CSMD1: variants seen among roughly 807,000 people sequenced by gnomAD.
CSMD1 encodes the protein CUB and sushi domain-containing protein 1.
Under a neutral mutation model 417.5 loss-of-function variants are expected in CSMD1, and 213 were observed. That is an observed-to-expected ratio of 0.51 (90% CI 0.46 to 0.57). The LOEUF is 0.57. Ranked by LOEUF, CSMD1 falls within the 20% of genes least tolerant of loss-of-function variation. The pLI is 0.00. For synonymous variants in CSMD1, 2,862 were observed against 1,736.8 expected (o/e 1.65, Z -16.11); for missense variants, 6,923 against 4,529.7 (o/e 1.53, Z -15.17).
At chr8:3,536,454 T>C (rs531291376) in intron 10 of CSMD1, among the ~76,000 whole-genome samples, 1 of 152,186 alleles carries the variant, frequency 6.6e-6, no homozygotes, top group Non-Finnish European at 1.5e-5. Context: ...ATGGGCTGAG[T>C]GAAGTTGGGC....
chr8:4,022,094 C>A (rs1796816138), intron 4 of CSMD1, among the ~76,000 whole-genome samples: 1 of 109,054 alleles, frequency 9.2e-6, no homozygotes, highest in Admixed American at 1.0e-4. Context: ...TCCACACACA[C>A]ACATATATAT....
At chr8:3,573,739 G>C (rs1326425071) in intron 10 of CSMD1, among the ~76,000 whole-genome samples, 1 of 152,106 alleles carries the variant, frequency 6.6e-6, no homozygotes, top group Non-Finnish European at 1.5e-5. Flanking sequence ...AAAATGAAGA[G>C]ATGATCACTT....
chr8:3,478,554 G>C (rs1360531363), intron 11 of CSMD1, among the ~76,000 whole-genome samples: 1 of 152,176 alleles, frequency 6.6e-6, no homozygotes, highest in East Asian at 1.9e-4. Flanking sequence ...GAAGACCAGA[G>C]AAACAGCAGA....
chr8:2,983,627 C>CA (rs1312487052), intron 54 of CSMD1, among the ~76,000 whole-genome samples: 3 of 152,102 alleles, frequency 2.0e-5, no homozygotes, highest in East Asian at 1.9e-4. Flanking sequence ...CAAAATTTGG[C>CA]AAAAAATTGT....
chr8:3,735,095 A>C (rs1174432733), intron 6 of CSMD1, among the ~76,000 whole-genome samples: 2 of 152,230 alleles, frequency 1.3e-5, no homozygotes, highest in South Asian at 4.1e-4. Context: ...CAACGATGTG[A>C]AACAGGTACA....
chr8:3,972,699 G>C (rs74868790), intron 5 of CSMD1, among the ~76,000 whole-genome samples: 2,372 of 152,302 alleles, frequency 0.016, 59 homozygotes, highest in African/African-American at 0.054. Context: ...ATTGCAAATA[G>C]CTTCTTTTCA....
rs115064382 is a variant in CSMD1, at chr8:4,389,569, A to G, written c.415+30384T>C. Among the ~76,000 whole-genome samples, 640 of 152,338 alleles carry G rather than the reference A, an allele frequency of 4.2e-3. 7 individuals carry two copies. The highest frequency in any genetic ancestry group is 0.014 in the African/African-American group (590 of 41,586). ...AAAATGTTAATTTATCAAAAGAACA[A>G]GAGATGTTTAAGAAATAAAACATTT... On this transcript the variant is annotated intron_variant, in intron 3 of 69. Transcript: ENST00000635120.
chr8:3,809,146 C>T (rs1800918284), intron 5 of CSMD1, among the ~76,000 whole-genome samples: 1 of 152,112 alleles, frequency 6.6e-6, no homozygotes, highest in Non-Finnish European at 1.5e-5. Context: ...TTCCTCTTTC[C>T]CCTTCCAGCC....
intron 5 of CSMD1, among the ~76,000 whole-genome samples, chr8:3,891,900 AT>A (rs1234978420): frequency 2.0e-5 from 3 of 152,126 alleles, no homozygotes; most frequent in Non-Finnish European, 4.4e-5. Context: ...TGTCCACATG[AT>A]TTACAAAATT....
At chr8:3,901,014 C>G (rs577748242) in intron 5 of CSMD1, among the ~76,000 whole-genome samples, 3 of 152,146 alleles carry the variant, frequency 2.0e-5, no homozygotes, top group Non-Finnish European at 2.9e-5. Context: ...ATAGTGTTAT[C>G]ATTATTGACA....
intron 3 of CSMD1, among the ~76,000 whole-genome samples, chr8:4,158,265 C>T (rs1284948632): frequency 6.6e-6 from 1 of 151,988 alleles, no homozygotes; most frequent in South Asian, 2.1e-4. Context: ...GCTCTGCAGA[C>T]ATCGGGAAGA....
rs1271488906 is a variant in CSMD1 at position 3,308,467 on chromosome 8, G to A, written c.3668C>T (p.Pro1223Leu). ...ATCACGGATCCTATAGCCGTAGTTA[G>A]GGATGCCCGGATCCTCACATTTTAC... ...DLVKCEDPGI[P>L]NYGYRIRDEG... The change falls in exon 24 of 70, where the codon CCT (proline) becomes CTT (leucine). Residue 1223 changes from proline (P) to leucine (L), a missense_variant. Pro to Leu is a moderately conservative substitution (Grantham distance 98, BLOSUM62 -3). Transcript: ENST00000635120. 1.2e-6 allele frequency: 2 copies of A among 1,613,354 alleles called. No homozygotes were observed. The highest frequency in any genetic ancestry group is 1.7e-5 in the Admixed American group (1 of 59,964).
At chr8:3,746,851 G>T (rs1797086697) in intron 6 of CSMD1, among the ~76,000 whole-genome samples, 6 of 152,094 alleles carry the variant, frequency 3.9e-5, no homozygotes, top group Admixed American at 3.9e-4. Context: ...AAGGTCAATA[G>T]GGTGGGGCTA....
At chr8:3,217,134 G>C (rs774919549) in intron 29 of CSMD1, among the ~76,000 whole-genome samples, 1 of 152,176 alleles carries the variant, frequency 6.6e-6, no homozygotes, top group African/African-American at 2.4e-5. Flanking sequence ...CACTGCTCCA[G>C]GCTGGAAGAA....
At chr8:4,423,381 C>T (rs528957705) in intron 2 of CSMD1, among the ~76,000 whole-genome samples, 1 of 152,086 alleles carries the variant, frequency 6.6e-6, no homozygotes, top group East Asian at 1.9e-4. Context: ...ACATAATGAA[C>T]ATACAAAAAT....
intron 8 of CSMD1, among the ~76,000 whole-genome samples, chr8:3,595,418 T>C (rs567286293): frequency 1.3e-5 from 2 of 152,280 alleles, no homozygotes; most frequent in East Asian, 3.9e-4. Context: ...ATAGCGGCAA[T>C]TTTTAGACTC....
At chr8:3,182,740 TAAG>T (rs1308631109) in intron 36 of CSMD1, among the ~76,000 whole-genome samples, 2 of 127,434 alleles carry the variant, frequency 1.6e-5, no homozygotes, top group Non-Finnish European at 3.5e-5. Flanking sequence ...TGTCTCTTTA[TAAG>T]AAGCTCTGTG....
chr8:3,839,079 G>T (rs1488958203), intron 5 of CSMD1, among the ~76,000 whole-genome samples: 1 of 117,740 alleles, frequency 8.5e-6, no homozygotes. Context: ...TATAGCCTAG[G>T]CTATATATAA....
At chr8:4,934,180 A>G (rs1275452772) in intron 1 of CSMD1, among the ~76,000 whole-genome samples, 1 of 152,140 alleles carries the variant, frequency 6.6e-6, no homozygotes, top group Non-Finnish European at 1.5e-5. Context: ...CAAGAAACAG[A>G]AGAGGCTGCC....
Sources: gnomAD v4.1 joint callset for allele counts (sites outside exome capture counted in the v4.1 genomes callset) on GRCh38, gnomAD v4.1.1 for gene constraint, MANE v1.5 for transcripts, NCBI Gene and HGNC (gene_info 2026-07-23, HGNC 2026-07-21) for gene names.